The following HIF1A variants were observed in gnomAD, a reference collection of about 807,000 sequenced individuals.
HIF1A encodes the protein hypoxia inducible factor 1 subunit alpha.
HIF1A carries 24 observed loss-of-function variants against 92.7 expected under a neutral mutation model. That is an observed-to-expected ratio of 0.26 (90% CI 0.19 to 0.36). The LOEUF is 0.36. Ranked by LOEUF, HIF1A falls within the 10% of genes least tolerant of loss-of-function variation. The probability of loss-of-function intolerance (pLI) is 1.00; values close to 1 mark genes in which losing one functional copy is unlikely to be tolerated. For synonymous variants in HIF1A, 319 were observed against 338.7 expected, an observed-to-expected ratio of 0.94 and a Z score of 0.64; for missense variants, 799 against 998.5, an observed-to-expected ratio of 0.80 and a Z score of 2.69.
chr14:61,739,851 C>G, intron 10 of HIF1A, among the ~76,000 whole-genome samples: 1 of 152,010 alleles, frequency 6.6e-6, no homozygotes, highest in East Asian at 1.9e-4. Context: ...CTTCTCAGTT[C>G]AAAGGTAAAT....
At chr14:61,706,472 C>G (rs117241895) in intron 1 of HIF1A, among the ~76,000 whole-genome samples, 2,243 of 152,312 alleles carry the variant, frequency 0.015, 21 homozygotes, top group Non-Finnish European at 0.022. Flanking sequence ...AGCAATTATA[C>G]CTCACATTAC....
intron 8 of HIF1A, among the ~76,000 whole-genome samples, chr14:61,736,565 G>T (rs990249370): frequency 6.6e-6 from 1 of 152,278 alleles, no homozygotes; most frequent in South Asian, 2.1e-4. Flanking sequence ...ACTTACAAGT[G>T]AGAACATGCA....
Position 61,745,284 on chromosome 14 carries a change from G to A in HIF1A, c.2203-407G>A, listed in dbSNP as rs1276997476. Reference sequence around the variant, plus strand: ...CTAAAAATACAAAAATTAGCCAGGCGTGTTGGTGCACAACTATAATCCCAG... The same window carrying A: ...CTAAAAATACAAAAATTAGCCAGGCATGTTGGTGCACAACTATAATCCCAG... On this transcript the variant is annotated intron_variant, in intron 13 of 14. Transcript: ENST00000337138. Among the ~76,000 whole-genome samples, 12 of 152,196 alleles carry A rather than the reference G, an allele frequency of 7.9e-5. No individual in the cohort carries two copies. In the South Asian group the frequency reaches 1.5e-3, roughly 18 times the overall value.
Position 61,697,673 on chromosome 14 carries a change from G to A in HIF1A, c.35+1834G>A, listed in dbSNP as rs1003174055. 4.1e-6 allele frequency: 5 copies of A among 1,220,392 alleles called. No homozygotes were observed. In the African/African-American group the frequency reaches 4.7e-5, roughly 11 times the overall value. The allele number at this position is 1,220,392 out of a possible 1,614,324, so 75.6% of individuals were successfully genotyped here. On this transcript the variant is annotated intron_variant, in intron 1 of 14. Transcript: ENST00000337138. ...GGATGGATTCATATTTCTTAGTATA[G>A]AAGTTCTTGATATAACTGAAAAATT...
chr14:61,732,345 C>T, intron 6 of HIF1A, 73 bp from the exon 7 acceptor site: 1 of 890,416 alleles, frequency 1.1e-6, no homozygotes, highest in Non-Finnish European at 1.9e-6. Context: ...TATCAGTTAA[C>T]TTGGGAGGAG....
At position 61,740,577 on chromosome 14, in the gene HIF1A, G is replaced by A; in HGVS notation, c.1609G>A (p.Glu537Lys). 1 of 1,610,584 alleles carries A rather than the reference G, an allele frequency of 6.2e-7. No individual in the cohort carries two copies. Among genetic ancestry groups the A allele is most frequent in the South Asian group, 1.1e-5 (1 of 90,726 alleles). The change falls in exon 11 of 15, where the codon GAA (glutamate) becomes AAA (lysine). Residue 537 changes from glutamate (E) to lysine (K), a missense_variant. Around this residue, in one of 2 missense-constraint regions of HIF1A, gnomAD observed 516 missense variants for 721.0 expected, o/e 0.72. Coordinates refer to ENST00000337138, the MANE Select transcript of HIF1A (RefSeq NM_001530.4). ...MVNEFKLELV[E>K]KLFAEDTEAK... The stretch of plus-strand genomic sequence containing the variant: ...CAATGAATTCAAGTTGGAATTGGTA[G>A]AAAAACTTTTTGCTGAAGACACAGA...
chr14:61,743,046 T>C (rs1211329483), intron 12 of HIF1A, among the ~76,000 whole-genome samples: 1 of 152,122 alleles, frequency 6.6e-6, no homozygotes, highest in Non-Finnish European at 1.5e-5. Flanking sequence ...AGCCAAAGTG[T>C]AACAACACAT....
intron 10 of HIF1A, 144 bp downstream of exon 10, chr14:61,738,517 C>T (rs1321275751): frequency 1.3e-6 from 1 of 780,386 alleles, no homozygotes; most frequent in Admixed American, 2.8e-5. Flanking sequence ...AAAATTATTG[C>T]AAGAGCTACT....
intron 1 of HIF1A, among the ~76,000 whole-genome samples, chr14:61,701,274 A>G (rs1412697781): frequency 6.6e-6 from 1 of 151,982 alleles, no homozygotes; most frequent in East Asian, 1.9e-4. Context: ...GATTATTTCA[A>G]CATATGATTT....
chr14:61,722,521 C>G lies in HIF1A; in HGVS notation c.457+698C>G, dbSNP rs1223223031. 2.0e-5 allele frequency among the ~76,000 whole-genome samples: 3 copies of G among 152,164 alleles called. No homozygotes were observed. In the East Asian group the frequency reaches 5.8e-4, roughly 29 times the overall value. On this transcript the variant is annotated intron_variant, in intron 4 of 14. Coordinates refer to ENST00000337138, the MANE Select transcript of HIF1A (RefSeq NM_001530.4). The stretch of plus-strand genomic sequence containing the variant: ...AAGTGCTAGGATTATAGGCATGCGC[C>G]ACCACACCTGGTGGAGTTAAAAATT...
intron 8 of HIF1A, among the ~76,000 whole-genome samples, chr14:61,736,171 G>C (rs1331422968): frequency 6.6e-6 from 1 of 151,690 alleles, no homozygotes; most frequent in East Asian, 1.9e-4. Flanking sequence ...GTAGAGACAG[G>C]GTTTTGCCAT....
At chr14:61,737,497 T>C (rs1381489811) in intron 9 of HIF1A, among the ~76,000 whole-genome samples, 1 of 152,208 alleles carries the variant, frequency 6.6e-6, no homozygotes, top group African/African-American at 2.4e-5. Context: ...AGATGAAAAC[T>C]GCAATTTTAA....
At chr14:61,715,775 G>C (rs2044356811) in intron 1 of HIF1A, 1 of 152,326 alleles carries the variant, frequency 6.6e-6, no homozygotes. Flanking sequence ...CAAGGCAGAA[G>C]GATCGCTTTA....
intron 1 of HIF1A, among the ~76,000 whole-genome samples, chr14:61,708,940 C>G (rs2044276482): frequency 6.6e-6 from 1 of 151,930 alleles, no homozygotes; most frequent in Non-Finnish European, 1.5e-5. Flanking sequence ...TCTTGTTGCC[C>G]AGGCTGGAGT....
chr14:61,727,278 A>G (rs995474921), intron 5 of HIF1A, among the ~76,000 whole-genome samples, 175 bp from the exon 6 acceptor site: 2 of 152,240 alleles, frequency 1.3e-5, no homozygotes, highest in African/African-American at 2.4e-5. Context: ...GAAGTAGGTC[A>G]TAGGTGGTAT....
At position 61,747,358 on chromosome 14, in the gene HIF1A, A is replaced by C; in HGVS notation, c.*273A>C. Reference sequence around the variant, plus strand: ...ATCATTTTAAAAAATGCACCTTTTTATTTATTTATTTTTGGCTAGGGAGTT... The same window carrying C: ...ATCATTTTAAAAAATGCACCTTTTTCTTTATTTATTTTTGGCTAGGGAGTT... On this transcript the variant is annotated 3_prime_UTR_variant, in exon 15 of 15. Coordinates refer to ENST00000337138, the MANE Select transcript of HIF1A (RefSeq NM_001530.4). The C allele has an allele frequency of 4.3e-6, 1 of 232,630 alleles. No homozygotes were observed. Among genetic ancestry groups the C allele is most frequent in the East Asian group, 8.4e-5 (1 of 11,954 alleles). 14.4% of individuals were successfully genotyped at this position (232,630 alleles called of 1,614,324 possible).
chr14:61,705,772 A>T (rs1423374353), intron 1 of HIF1A, among the ~76,000 whole-genome samples: 1 of 152,178 alleles, frequency 6.6e-6, no homozygotes, highest in East Asian at 1.9e-4. Context: ...TCACTTTGGA[A>T]AATTTATTTG....
intron 13 of HIF1A, 72 bp downstream of exon 13, chr14:61,744,885 G>A: frequency 1.6e-6 from 1 of 639,196 alleles, no homozygotes; most frequent in Non-Finnish European, 2.8e-6. Context: ...GTGTGTGTGT[G>A]TGTGTGTGTT....
At chr14:61,744,672 C>T in intron 12 of HIF1A, 33 bp from the exon 13 acceptor site, 2 of 901,482 alleles carry the variant, frequency 2.2e-6, no homozygotes, top group Admixed American at 2.4e-5. Context: ...TTTAAAAACG[C>T]TATATTTTCA....
Sources: gnomAD v4.1 joint callset for allele counts (sites outside exome capture counted in the v4.1 genomes callset) on GRCh38, gnomAD v4.1.1 for gene constraint, gnomAD v4.1.1 regional missense constraint, MANE v1.5 for transcripts, NCBI Gene and HGNC (gene_info 2026-07-23, HGNC 2026-07-21) for gene names.